The following EYS variants were observed in gnomAD, a reference collection of about 807,000 sequenced individuals.
The protein encoded by EYS is protein eyes shut homolog.
Under a neutral mutation model 282.1 loss-of-function variants are expected in EYS, and 250 were observed. The ratio of observed to expected loss-of-function variants is 0.89; its 90% confidence interval spans 0.80 to 0.98. EYS has a LOEUF of 0.98. Ranked by LOEUF, EYS falls within the 50% of genes least tolerant of loss-of-function variation. The probability of loss-of-function intolerance (pLI) is 0.00; values close to 1 mark genes in which losing one functional copy is unlikely to be tolerated. For synonymous variants in EYS, 1,355 were observed against 1,282.9 expected, an observed-to-expected ratio of 1.06 and a Z score of -1.20; for missense variants, 4,016 against 3,709.0, an observed-to-expected ratio of 1.08 and a Z score of -2.15.
chr6:64,647,329 G>A lies in EYS; in HGVS notation c.3444-21084C>T, dbSNP rs542666165. On this transcript the variant is annotated intron_variant, in intron 22 of 42. Transcript: ENST00000503581. ...AAAAAGAACATATTCTCACATGAAAGGCAGTTTTTAACACACACACACATA... is the reference window on the plus strand; with the variant it reads ...AAAAAGAACATATTCTCACATGAAAAGCAGTTTTTAACACACACACACATA... Among the ~76,000 whole-genome samples the A allele has an allele frequency of 1.1e-4, 16 of 152,174 alleles. No homozygotes were observed. The East Asian group carries it at 3.1e-3, about 29-fold the overall frequency.
intron 33 of EYS, among the ~76,000 whole-genome samples, chr6:64,023,141 A>G (rs1172805492): frequency 6.6e-6 from 1 of 152,244 alleles, no homozygotes; most frequent in Non-Finnish European, 1.5e-5. Context: ...TATTGCACTT[A>G]GCATAAAGTT....
chr6:65,331,177 TA>T, intron 11 of EYS: 2 of 852,108 alleles, frequency 2.3e-6, no homozygotes, highest in Non-Finnish European at 2.8e-6. Flanking sequence ...AATTAGTTTC[TA>T]AAATAACTTG....
chr6:64,467,608 C>T (rs1775966972), intron 26 of EYS, among the ~76,000 whole-genome samples: 1 of 152,144 alleles, frequency 6.6e-6, no homozygotes, highest in African/African-American at 2.4e-5. Context: ...GACCACCCCA[C>T]TTATTACCAC....
At chr6:65,336,287 C>A (rs561732833) in intron 10 of EYS, among the ~76,000 whole-genome samples, 4 of 151,650 alleles carry the variant, frequency 2.6e-5, no homozygotes, top group Admixed American at 6.6e-5. Context: ...ATGACATAAT[C>A]ATTTCAAAGT....
At chr6:64,070,423 G>C (rs536667114) in intron 32 of EYS, among the ~76,000 whole-genome samples, 1 of 151,760 alleles carries the variant, frequency 6.6e-6, no homozygotes, top group African/African-American at 2.4e-5. Context: ...TTTGTTATGG[G>C]GAATGTAGAT....
In EYS at chr6:64,590,513, G is replaced by A. The variant is rs1053044454; in HGVS notation, c.5354C>T (p.Ser1785Leu). 2.6e-6 allele frequency: 4 copies of A among 1,551,440 alleles called. No homozygotes were observed. Among genetic ancestry groups the A allele is most frequent in the Middle Eastern group, 1.7e-4 (1 of 5,990 alleles). The change falls in exon 26 of 43, where the codon TCA (serine) becomes TTA (leucine). Residue 1785 changes from serine (S) to leucine (L), a missense_variant. Ser to Leu is a moderately radical substitution (Grantham distance 145). Coordinates refer to ENST00000503581, the MANE Select transcript of EYS (RefSeq NM_001142800.2). ...AAATGCAACATTGGTGGTGACTTCT[G>A]AAAAATCAGGCACTGAGCCTGTCAA... ...PPLTGSVPDF[S>L]EVTTNVAFYT...
intron 22 of EYS, among the ~76,000 whole-genome samples, chr6:64,686,351 G>T (rs919044723): frequency 6.6e-5 from 10 of 151,202 alleles, no homozygotes; most frequent in African/African-American, 1.7e-4. Flanking sequence ...AAAGATAAAT[G>T]AAATAAATAA....
intron 31 of EYS, among the ~76,000 whole-genome samples, chr6:64,211,079 G>A (rs575810698): frequency 8.3e-4 from 127 of 152,200 alleles, no homozygotes; most frequent in African/African-American, 3.1e-3. Context: ...TTTGAACTGA[G>A]TGTCTTGGGG....
At chr6:65,587,657 C>T (rs981364038) in intron 2 of EYS, among the ~76,000 whole-genome samples, 4 of 151,926 alleles carry the variant, frequency 2.6e-5, no homozygotes, top group East Asian at 1.9e-4. Context: ...TGGACTTACA[C>T]GAAAGGCGAA....
At chr6:64,176,505 G>T (rs1309732788) in intron 31 of EYS, among the ~76,000 whole-genome samples, 1 of 151,720 alleles carries the variant, frequency 6.6e-6, no homozygotes, top group South Asian at 2.1e-4. Context: ...ACGATTGTGT[G>T]TGTGTGTGTG....
At chr6:64,175,165 T>C (rs535630621) in intron 31 of EYS, among the ~76,000 whole-genome samples, 1 of 152,166 alleles carries the variant, frequency 6.6e-6, no homozygotes, top group Non-Finnish European at 1.5e-5. Context: ...TAATATCTGA[T>C]TCCTTGGGTA....
rs144436872 is a variant in EYS at position 63,863,638 on chromosome 6, T to TTTTTC, written c.7228+543_7228+547dup. ...AACCTCAGGGAAAACTCATTACCAC[T>TTTTTC]TTTTCTTTTCTTTTCTTTTCTTTTC... On this transcript the variant is annotated intron_variant, in intron 36 of 42. Coordinates refer to ENST00000503581, the MANE Select transcript of EYS (RefSeq NM_001142800.2). Among the ~76,000 whole-genome samples, 35 of 123,754 alleles carry TTTTTC rather than the reference T, an allele frequency of 2.8e-4. 3 individuals carry two copies. The highest frequency in any genetic ancestry group is 4.1e-4 in the African/African-American group (13 of 31,726). The allele number at this position is 123,754 out of a possible 152,430, so 81.2% of individuals were successfully genotyped here.
At chr6:64,090,452 G>T (rs1345374568) in intron 31 of EYS, among the ~76,000 whole-genome samples, 2 of 151,946 alleles carry the variant, frequency 1.3e-5, no homozygotes, top group Admixed American at 1.3e-4. Flanking sequence ...TTTCAATATA[G>T]AATTGATAAT....
chr6:65,372,122 T>G (rs1765178762), intron 8 of EYS, among the ~76,000 whole-genome samples: 1 of 151,896 alleles, frequency 6.6e-6, no homozygotes, highest in Admixed American at 6.6e-5. Context: ...TAATGAAGCC[T>G]TATAGGAGAT....
intron 26 of EYS, among the ~76,000 whole-genome samples, chr6:64,452,633 AC>A (rs1275260030): frequency 2.0e-5 from 3 of 152,256 alleles, no homozygotes; most frequent in African/African-American, 7.2e-5. Context: ...AGTAACCAAA[AC>A]AGCATGGTAC....
At chr6:64,808,634 T>C (rs1180627196) in intron 22 of EYS, among the ~76,000 whole-genome samples, 1 of 152,024 alleles carries the variant, frequency 6.6e-6, no homozygotes, top group Non-Finnish European at 1.5e-5. Context: ...GTAATTTTTT[T>C]TTTCTTTCTT....
At chr6:65,172,601 A>C (rs985952617) in intron 12 of EYS, among the ~76,000 whole-genome samples, 6 of 151,368 alleles carry the variant, frequency 4.0e-5, no homozygotes, top group African/African-American at 1.5e-4. Context: ...TTATATTTCT[A>C]ATATGGCAAT....
chr6:64,019,124 T>C (rs969399258), intron 33 of EYS, among the ~76,000 whole-genome samples: 2 of 151,998 alleles, frequency 1.3e-5, no homozygotes, highest in African/African-American at 2.4e-5. Context: ...GATTGGAGAC[T>C]CAGGGGAAAC....
chr6:64,839,056 C>T (rs891081309), intron 19 of EYS, among the ~76,000 whole-genome samples: 32 of 151,928 alleles, frequency 2.1e-4, no homozygotes, highest in African/African-American at 7.7e-4. Context: ...ATATTTTATT[C>T]ATAACAGAAA....
Sources: gnomAD v4.1 joint callset for allele counts (sites outside exome capture counted in the v4.1 genomes callset) on GRCh38, gnomAD v4.1.1 for gene constraint, MANE v1.5 for transcripts, NCBI Gene and HGNC (gene_info 2026-07-23, HGNC 2026-07-21) for gene names.